Variants in CSMD1 observed in about 807,000 individuals in gnomAD.
CSMD1 encodes the protein CUB and sushi domain-containing protein 1.
CSMD1 carries 213 observed loss-of-function variants against 417.5 expected under a neutral mutation model. The ratio of observed to expected loss-of-function variants is 0.51; its 90% CI spans 0.46 to 0.57. CSMD1 has a LOEUF of 0.57. CSMD1 is among the 20% of genes least tolerant of loss of function. CSMD1 has a pLI of 0.00. For missense variants in CSMD1, 6,923 were observed against 4,529.7 expected, an observed-to-expected ratio of 1.53 and a Z score of -15.17; for synonymous variants, 2,862 against 1,736.8, an observed-to-expected ratio of 1.65 and a Z score of -16.11.
At chr8:3,092,857 G>T (rs547285816) in intron 47 of CSMD1, among the ~76,000 whole-genome samples, 1 of 152,140 alleles carries the variant, frequency 6.6e-6, no homozygotes, top group Non-Finnish European at 1.5e-5. Flanking sequence ...GCATTTCACA[G>T]TTCACTCCTA....
intron 2 of CSMD1, among the ~76,000 whole-genome samples, chr8:4,509,480 T>C (rs890585310): frequency 4.6e-5 from 7 of 152,158 alleles, no homozygotes. Context: ...ACCTAAGCCA[T>C]GGGATTCTTA....
At chr8:2,954,610 A>AC (rs1456509623) in intron 64 of CSMD1, among the ~76,000 whole-genome samples, 2 of 152,176 alleles carry the variant, frequency 1.3e-5, no homozygotes, top group Non-Finnish European at 2.9e-5. Flanking sequence ...GTAACACCCC[A>AC]CCCAAATAAC....
rs539119874 is a variant in CSMD1, at chr8:4,242,061, A to G, written c.415+177892T>C. The stretch of plus-strand genomic sequence containing the variant: ...TGACTTTGTGAAATGAAAAAGGGTA[A>G]ATTAACCTTTATCACCAGGCAGAAT... On this transcript the variant is annotated intron_variant, in intron 3 of 69. Coordinates refer to ENST00000635120, the MANE Select transcript of CSMD1 (RefSeq NM_033225.6). Among the ~76,000 whole-genome samples, 99 of 152,292 alleles carry G rather than the reference A, an allele frequency of 6.5e-4. 2 individuals carry two copies. The highest frequency in any genetic ancestry group is 2.2e-3 in the African/African-American group (93 of 41,564).
chr8:3,307,235 G>A (rs1399553490), intron 25 of CSMD1, among the ~76,000 whole-genome samples: 1 of 151,962 alleles, frequency 6.6e-6, no homozygotes, highest in Non-Finnish European at 1.5e-5. Flanking sequence ...ATCCCTTGCT[G>A]CTACAACCCT....
intron 5 of CSMD1, among the ~76,000 whole-genome samples, chr8:3,839,209 A>G (rs1452440340): frequency 1.6e-5 from 2 of 122,562 alleles, no homozygotes; most frequent in South Asian, 2.3e-4. Flanking sequence ...TATGTAATAA[A>G]TTAATATATA....
rs35068961 is a variant in CSMD1, at chr8:3,621,991, A to ATGTGTG, written c.1010-5200_1010-5195dup. 2.9e-3 allele frequency among the ~76,000 whole-genome samples: 408 copies of ATGTGTG among 143,092 alleles called. 3 individuals carry two copies. Among genetic ancestry groups the ATGTGTG allele is most frequent in the African/African-American group, 6.6e-3 (259 of 39,290 alleles). The allele number at this position is 143,092 out of a possible 152,430, so 93.9% of individuals were successfully genotyped here. A position where few individuals can be genotyped will look rare whatever the true frequency, so the allele number is the denominator to read the frequency against. ...TCTCTCTCTCTTTGTGTGTGTGTGTATGTGTGTGTGTGTGTGTGTGTGTGT... is the reference window on the plus strand; with the variant it reads ...TCTCTCTCTCTTTGTGTGTGTGTGTATGTGTGTGTGTGTGTGTGTGTGTGTGTGTGT... On this transcript the variant is annotated intron_variant, in intron 7 of 69. Coordinates refer to ENST00000635120, the MANE Select transcript of CSMD1 (RefSeq NM_033225.6).
chr8:3,813,087 G>A (rs968692351), intron 5 of CSMD1, among the ~76,000 whole-genome samples: 4 of 136,942 alleles, frequency 2.9e-5, no homozygotes, highest in African/African-American at 5.5e-5. Flanking sequence ...TCTATTTTAA[G>A]CTAGTTTTTT....
chr8:2,981,222 G>C (rs992330100), intron 54 of CSMD1, among the ~76,000 whole-genome samples: 1 of 152,202 alleles, frequency 6.6e-6, no homozygotes, highest in Non-Finnish European at 1.5e-5. Flanking sequence ...TGCCAGAAGA[G>C]TTTGTTAGTG....
intron 21 of CSMD1, among the ~76,000 whole-genome samples, chr8:3,356,989 G>C (rs571808376): frequency 6.6e-6 from 1 of 152,106 alleles, no homozygotes; most frequent in Non-Finnish European, 1.5e-5. Flanking sequence ...GGGGTTGGTG[G>C]GGTCTGGGGA....
At chr8:3,140,687 A>C (rs1396902886) in intron 41 of CSMD1, among the ~76,000 whole-genome samples, 3 of 151,874 alleles carry the variant, frequency 2.0e-5, no homozygotes, top group Non-Finnish European at 4.4e-5. Context: ...GTTTCTAAGC[A>C]TTCTGTGGAA....
chr8:4,250,938 T>C (rs1803026826), intron 3 of CSMD1, among the ~76,000 whole-genome samples: 1 of 152,180 alleles, frequency 6.6e-6, no homozygotes, highest in African/African-American at 2.4e-5. Flanking sequence ...GCTCTTTTCT[T>C]CAGATGACAC....
intron 1 of CSMD1, among the ~76,000 whole-genome samples, chr8:4,933,220 T>C (rs1807369313): frequency 6.6e-6 from 1 of 152,148 alleles, no homozygotes; most frequent in South Asian, 2.1e-4. Context: ...TTCTGAATCA[T>C]GTTTTCCCAC....
chr8:3,051,786 A>G (rs1343298106), intron 50 of CSMD1, among the ~76,000 whole-genome samples: 3 of 152,208 alleles, frequency 2.0e-5, no homozygotes, highest in African/African-American at 7.2e-5. Flanking sequence ...TATACCTGCA[A>G]TGAAAATCTT....
intron 2 of CSMD1, among the ~76,000 whole-genome samples, chr8:4,600,013 G>C (rs1007850042): frequency 1.3e-5 from 2 of 152,140 alleles, no homozygotes; most frequent in Non-Finnish European, 2.9e-5. Flanking sequence ...TGAAAGTCTA[G>C]GGTTGGTTAC....
At chr8:3,894,906 C>T (rs772405502) in intron 5 of CSMD1, among the ~76,000 whole-genome samples, 1 of 152,094 alleles carries the variant, frequency 6.6e-6, no homozygotes. Flanking sequence ...ACAGTGGGTT[C>T]CTAGTATTCA....
At chr8:4,416,022 C>T (rs1421852843) in intron 3 of CSMD1, among the ~76,000 whole-genome samples, 1 of 152,070 alleles carries the variant, frequency 6.6e-6, no homozygotes, top group East Asian at 1.9e-4. Context: ...AATAGATCAC[C>T]TTATTTCACT....
chr8:3,687,311 G>A (rs994436420), intron 7 of CSMD1, among the ~76,000 whole-genome samples: 1 of 152,172 alleles, frequency 6.6e-6, no homozygotes, highest in Non-Finnish European at 1.5e-5. Flanking sequence ...TGGATGAAAA[G>A]GTGATCTGCT....
chr8:4,211,284 T>C (rs1800295273), intron 3 of CSMD1, among the ~76,000 whole-genome samples: 2 of 152,168 alleles, frequency 1.3e-5, no homozygotes, highest in Non-Finnish European at 2.9e-5. Flanking sequence ...ATTGATCCCT[T>C]TTCTTTGGTT....
intron 12 of CSMD1, among the ~76,000 whole-genome samples, chr8:3,434,567 A>C (rs1232907393): frequency 6.6e-6 from 1 of 152,230 alleles, no homozygotes; most frequent in Non-Finnish European, 1.5e-5. Context: ...AATAGTGAAC[A>C]TAATTTAGAT....
Sources: gnomAD v4.1 joint callset for allele counts (sites outside exome capture counted in the v4.1 genomes callset) on GRCh38, gnomAD v4.1.1 for gene constraint, MANE v1.5 for transcripts, NCBI Gene and HGNC (gene_info 2026-07-23, HGNC 2026-07-21) for gene names.